RADX: variants seen among roughly 807,000 people sequenced by gnomAD.
RADX encodes the protein RPA1 related single stranded DNA binding protein, X-linked.
RADX carries 36 observed loss-of-function variants against 61.6 expected under a neutral mutation model. The ratio of observed to expected loss-of-function variants is 0.58; its 90% CI spans 0.45 to 0.77. The LOEUF (loss-of-function observed/expected upper bound fraction) is 0.77, where lower values mean the gene tolerates loss of function less well. Among genes scored for constraint, RADX ranks in the 30% least tolerant of loss-of-function variants. The probability of loss-of-function intolerance (pLI) is 0.00; values close to 1 mark genes in which losing one functional copy is unlikely to be tolerated. For synonymous variants in RADX, 272 were observed against 237.9 expected, an observed-to-expected ratio of 1.14 and a Z score of -1.32; for missense variants, 497 against 651.1, an observed-to-expected ratio of 0.76 and a Z score of 2.58.
chrX:106,613,664 A>G (rs942459085), intron 1 of RADX, among the ~76,000 whole-genome samples: 6 of 112,177 alleles, frequency 5.3e-5, no homozygotes, highest in African/African-American at 1.6e-4. Context: ...TAAAAGAATA[A>G]CTAGCTCAAA....
intron 10 of RADX, among the ~76,000 whole-genome samples, chrX:106,646,044 C>A (rs112072190): frequency 1.8e-5 from 2 of 110,336 alleles, no homozygotes; most frequent in African/African-American, 6.6e-5. Context: ...GTCTCAAAAT[C>A]GATTTTGTCT....
Position 106,656,336 on chromosome X carries a change from AC to A in RADX, c.1979-5678del, listed in dbSNP as rs764551255. On this transcript the variant is annotated intron_variant, in intron 11 of 13. Transcript: ENST00000372548. ...GTTACTTCCTACCCTAAAGTGTTGA[AC>A]ACCTCAAAGTCATCTATGGGGTTTG... is the stretch of plus-strand genomic sequence containing the variant. Among the ~76,000 whole-genome samples the A allele has an allele frequency of 8.7e-4, 97 of 111,723 alleles. 1 individual carries two copies. In the South Asian group the frequency reaches 0.034, roughly 39 times the overall value.
intron 6 of RADX, 74 bp from the exon 7 acceptor site, chrX:106,636,469 T>G: frequency 1.8e-6 from 1 of 559,953 alleles, no homozygotes; most frequent in Non-Finnish European, 3.0e-6. Context: ...TTGAGAAGCA[T>G]TGTGTTAGAT....
At chrX:106,664,791 G>T (rs1443369268) in intron 12 of RADX, among the ~76,000 whole-genome samples, 1 of 109,433 alleles carries the variant, frequency 9.1e-6, no homozygotes, top group Admixed American at 9.8e-5. Flanking sequence ...TAGAGAAGCA[G>T]CCCATTCAGT....
chrX:106,615,196 A>G (rs1209854090), intron 1 of RADX, among the ~76,000 whole-genome samples: 1 of 112,143 alleles, frequency 8.9e-6, no homozygotes. Context: ...CCAAACAGTA[A>G]ATCTTTTTGT....
intron 9 of RADX, 79 bp from the exon 10 acceptor site, chrX:106,640,473 T>C: frequency 1.5e-6 from 1 of 667,548 alleles, no homozygotes; most frequent in East Asian, 3.6e-5. Context: ...GAAAAATGAA[T>C]ACACTAAAAT....
At chrX:106,626,728 T>C (rs911658800) in intron 3 of RADX, among the ~76,000 whole-genome samples, 2 of 112,332 alleles carry the variant, frequency 1.8e-5, no homozygotes, top group African/African-American at 6.5e-5. Flanking sequence ...TTTAAAACAG[T>C]TTTACTTCTT....
chrX:106,670,880 T>C (rs1243218472), intron 13 of RADX, among the ~76,000 whole-genome samples: 1 of 111,444 alleles, frequency 9.0e-6, no homozygotes, highest in Non-Finnish European at 1.9e-5. Context: ...AACTGAAAGA[T>C]AAAAATAGTT....
At chrX:106,668,771 C>T (rs773984642) in intron 12 of RADX, among the ~76,000 whole-genome samples, 1 of 111,554 alleles carries the variant, frequency 9.0e-6, no homozygotes, top group South Asian at 3.8e-4. Context: ...ATCTTTGAGT[C>T]CAAATGGCAA....
intron 1 of RADX, among the ~76,000 whole-genome samples, chrX:106,613,963 T>G (rs1926739877): frequency 8.9e-6 from 1 of 112,133 alleles, no homozygotes; most frequent in African/African-American, 3.2e-5. Context: ...TAATATCTAT[T>G]CATTCATTAA....
chrX:106,637,628 A>C, intron 7 of RADX, 132 bp from the exon 8 acceptor site: 1 of 489,383 alleles, frequency 2.0e-6, no homozygotes. Flanking sequence ...AGTAAACTTG[A>C]CTGTTTTTTT....
intron 11 of RADX, among the ~76,000 whole-genome samples, chrX:106,651,065 T>C (rs946256691): frequency 1.2e-4 from 13 of 110,944 alleles, no homozygotes; most frequent in African/African-American, 3.9e-4. Flanking sequence ...AAATTGTATA[T>C]ATATAAAAAT....
Position 106,611,993 on chromosome X carries a change from G to C in RADX, c.-88G>C, listed in dbSNP as rs147652153. ...TGTCAGCAGGGGCAGAGTAGCGATC[G>C]TCGCCAAAGCGCGCGGTTTTATTTC... On this transcript the variant is annotated 5_prime_UTR_variant, in exon 1 of 14. Transcript: ENST00000372548. 708 of 1,030,001 alleles carry C rather than the reference G, an allele frequency of 6.9e-4. 3 individuals carry two copies. In the East Asian group the frequency reaches 0.017, roughly 24 times the overall value. The allele number at this position is 1,030,001 out of a possible 1,213,427, so 84.9% of individuals were successfully genotyped here.
chrX:106,628,256 G>A (rs1050253807), intron 3 of RADX, among the ~76,000 whole-genome samples: 1 of 112,028 alleles, frequency 8.9e-6, no homozygotes, highest in African/African-American at 3.2e-5. Flanking sequence ...GTCTAATGGG[G>A]TGACAGCTAT....
intron 12 of RADX, among the ~76,000 whole-genome samples, chrX:106,664,349 C>G (rs769043035): frequency 8.2e-5 from 9 of 110,331 alleles, no homozygotes; most frequent in Non-Finnish European, 1.7e-4. Context: ...AATCAGATCT[C>G]CTGATTCTCT....
Position 106,669,346 on chromosome X carries a change from TG to T in RADX, c.2437+17del. 12 of 1,129,873 alleles carry T rather than the reference TG, an allele frequency of 1.1e-5. No homozygotes were observed. The highest frequency in any genetic ancestry group is 1.4e-5 in the Non-Finnish European group (12 of 848,073). 93.1% of individuals were successfully genotyped at this position (1,129,873 alleles called of 1,213,427 possible). ...GCGGTTGCAGGTAAAACAATCTCAG[TG>T]TTCTTTTCACTCAGAAAAAAAAAAA... On this transcript the variant is annotated intron_variant, in intron 13 of 13. Transcript: ENST00000372548.
rs576079327 is a variant in RADX at position 106,624,496 on chromosome X, G to A, written c.787-594G>A. On this transcript the variant is annotated intron_variant, in intron 2 of 13. Coordinates refer to ENST00000372548, the MANE Select transcript of RADX (RefSeq NM_018015.6). Reference sequence around the variant, plus strand: ...AGGGAAAATTATTTATCCTTTTAAAGCCTCAGTTTACTCATCTGTAAAATA... The same window carrying A: ...AGGGAAAATTATTTATCCTTTTAAAACCTCAGTTTACTCATCTGTAAAATA... Among the ~76,000 whole-genome samples, 47 of 111,447 alleles carry A rather than the reference G, an allele frequency of 4.2e-4. No homozygotes were observed. The South Asian group carries it at 0.012, about 29-fold the overall frequency.
At chrX:106,653,928 G>A (rs1176144981) in intron 11 of RADX, among the ~76,000 whole-genome samples, 1 of 111,773 alleles carries the variant, frequency 8.9e-6, no homozygotes, top group African/African-American at 3.3e-5. Context: ...TCTTTATCCA[G>A]TCTATCATTG....
At chrX:106,674,547 A>G (rs147629754) in intron 13 of RADX, among the ~76,000 whole-genome samples, 3 of 111,595 alleles carry the variant, frequency 2.7e-5, no homozygotes, top group African/African-American at 9.8e-5. Context: ...TTTTTCCCTG[A>G]TTACAAATGA....
Sources: gnomAD v4.1 joint callset for allele counts (sites outside exome capture counted in the v4.1 genomes callset) on GRCh38, gnomAD v4.1.1 for gene constraint, MANE v1.5 for transcripts, NCBI Gene and HGNC (gene_info 2026-07-23, HGNC 2026-07-21) for gene names.